DACH2: variants seen among roughly 807,000 people sequenced by gnomAD.
DACH2 encodes dachshund homolog 2.
DACH2 carries 17 observed loss-of-function variants against 35.8 expected under a neutral mutation model. The observed-to-expected ratio is 0.48, with a 90% confidence interval of 0.33 to 0.71. The LOEUF (loss-of-function observed/expected upper bound fraction) is 0.71, where lower values mean the gene tolerates loss of function less well. DACH2 is among the 30% of genes least tolerant of loss of function. The pLI is 0.02. For synonymous variants in DACH2, 195 were observed against 177.3 expected (o/e 1.10, Z -0.79); for missense variants, 469 against 472.7 (o/e 0.99, Z 0.07).
At chrX:86,820,699 C>T (rs1440864696) in intron 11 of DACH2, among the ~76,000 whole-genome samples, 1 of 110,322 alleles carries the variant, frequency 9.1e-6, no homozygotes, top group Non-Finnish European at 1.9e-5. Flanking sequence ...ATATGCATAC[C>T]TTATGGCGTA....
chrX:86,193,675 A>G (rs973689026), intron 1 of DACH2, among the ~76,000 whole-genome samples: 3 of 110,936 alleles, frequency 2.7e-5, no homozygotes, highest in African/African-American at 9.8e-5. Flanking sequence ...CTTCAGTCCA[A>G]TTCTTGACTT....
At chrX:86,367,662 C>T (rs182030729) in intron 1 of DACH2, among the ~76,000 whole-genome samples, 2 of 111,325 alleles carry the variant, frequency 1.8e-5, no homozygotes, top group African/African-American at 3.3e-5. Context: ...CATGGTGACA[C>T]GGTTAATGGT....
At chrX:86,577,339 C>A (rs2148336984) in intron 3 of DACH2, among the ~76,000 whole-genome samples, 1 of 110,525 alleles carries the variant, frequency 9.0e-6, no homozygotes, top group East Asian at 2.9e-4. Flanking sequence ...AATACTATAG[C>A]CTTCTTTATA....
intron 3 of DACH2, among the ~76,000 whole-genome samples, chrX:86,517,946 G>A (rs1268815196): frequency 2.7e-5 from 3 of 111,491 alleles, no homozygotes; most frequent in Non-Finnish European, 3.8e-5. Context: ...ATTGCTTTTG[G>A]TGTCTATGTC....
intron 1 of DACH2, among the ~76,000 whole-genome samples, chrX:86,209,904 G>A (rs1172668655): frequency 9.0e-6 from 1 of 111,692 alleles, no homozygotes; most frequent in Non-Finnish European, 1.9e-5. Flanking sequence ...CTGAATCAAT[G>A]TTTAGAAGAT....
intron 1 of DACH2, among the ~76,000 whole-genome samples, chrX:86,335,732 C>T (rs1232322879): frequency 9.0e-6 from 1 of 111,579 alleles, no homozygotes; most frequent in African/African-American, 3.3e-5. Flanking sequence ...TATTTGAATA[C>T]TTTTTATTGC....
intron 1 of DACH2, among the ~76,000 whole-genome samples, chrX:86,349,624 CG>C (rs765807486): frequency 8.9e-6 from 1 of 112,312 alleles, no homozygotes; most frequent in East Asian, 2.8e-4. Context: ...AACGTATTAA[CG>C]TTGGTTCCTG....
chrX:86,679,432 G>T (rs2040854491), intron 4 of DACH2, among the ~76,000 whole-genome samples: 1 of 111,753 alleles, frequency 8.9e-6, no homozygotes, highest in Non-Finnish European at 1.9e-5. Context: ...TATTGCTATT[G>T]TTGACAATGC....
chrX:86,427,648 G>A (rs1045782881), intron 2 of DACH2, among the ~76,000 whole-genome samples: 3 of 110,950 alleles, frequency 2.7e-5, no homozygotes, highest in Non-Finnish European at 3.8e-5. Flanking sequence ...AATTTGTTTA[G>A]AAAAAGAATT....
chrX:86,165,142 C>T (rs1197386880), intron 1 of DACH2, among the ~76,000 whole-genome samples: 2 of 110,149 alleles, frequency 1.8e-5, no homozygotes, highest in African/African-American at 3.3e-5. Context: ...ATTGTAGAGA[C>T]CTTTCACCTC....
chrX:86,367,123 G>C (rs2035817012), intron 1 of DACH2, among the ~76,000 whole-genome samples: 1 of 110,866 alleles, frequency 9.0e-6, no homozygotes, highest in African/African-American at 3.3e-5. Context: ...GCAAATTTAA[G>C]ATTTAATTGA....
chrX:86,480,515 A>T (rs1306186764), intron 2 of DACH2, among the ~76,000 whole-genome samples: 1 of 111,847 alleles, frequency 8.9e-6, no homozygotes, highest in Admixed American at 9.5e-5. Context: ...CTCTACAATC[A>T]GTAAGTGGTG....
intron 2 of DACH2, among the ~76,000 whole-genome samples, chrX:86,415,783 A>G (rs1484723502): frequency 8.9e-6 from 1 of 112,361 alleles, no homozygotes; most frequent in Non-Finnish European, 1.9e-5. Context: ...ATTTCCAGTA[A>G]GAGGGAAATT....
intron 1 of DACH2, among the ~76,000 whole-genome samples, chrX:86,224,413 A>G (rs1169469439): frequency 9.0e-6 from 1 of 111,646 alleles, no homozygotes; most frequent in Non-Finnish European, 1.9e-5. Context: ...ATGCATGTGC[A>G]TATTGTCCCT....
chrX:86,555,841 G>A (rs753254583), intron 3 of DACH2, among the ~76,000 whole-genome samples: 1 of 111,488 alleles, frequency 9.0e-6, no homozygotes, highest in Non-Finnish European at 1.9e-5. Context: ...GGATTTTAAT[G>A]CAGTACCAGG....
intron 3 of DACH2, among the ~76,000 whole-genome samples, chrX:86,614,602 T>C (rs1364331536): frequency 1.8e-5 from 2 of 111,249 alleles, no homozygotes; most frequent in East Asian, 2.8e-4. Flanking sequence ...TCACAACAGA[T>C]TTTTTAGTTT....
intron 1 of DACH2, among the ~76,000 whole-genome samples, chrX:86,330,856 T>C (rs747656462): frequency 9.0e-6 from 1 of 111,619 alleles, no homozygotes; most frequent in Admixed American, 9.6e-5. Context: ...AGGTGGATAA[T>C]TTAGACTGTT....
intron 3 of DACH2, among the ~76,000 whole-genome samples, chrX:86,546,555 C>G (rs1390297086): frequency 2.1e-5 from 2 of 96,538 alleles, no homozygotes; most frequent in African/African-American, 7.9e-5. Flanking sequence ...CCCACTGTCA[C>G]CCAGGCCGTA....
chrX:86,575,602 T>C lies in DACH2; in HGVS notation c.640+61211T>C, dbSNP rs113219781. Among the ~76,000 whole-genome samples the C allele has an allele frequency of 7.9e-3, 881 of 111,800 alleles. 10 individuals are homozygous for C. Among genetic ancestry groups the C allele is most frequent in the African/African-American group, 0.028 (849 of 30,835 alleles). On this transcript the variant is annotated intron_variant, in intron 3 of 11. Coordinates refer to ENST00000373125, the MANE Select transcript of DACH2 (RefSeq NM_053281.3). ...AGAATTCTATAAAACTTGAATTAAT[T>C]TTATGCCTAAAAGAGGGTATAGTTA...
Sources: gnomAD v4.1 joint callset for allele counts (sites outside exome capture counted in the v4.1 genomes callset) on GRCh38, gnomAD v4.1.1 for gene constraint, MANE v1.5 for transcripts, NCBI Gene and HGNC (gene_info 2026-07-23, HGNC 2026-07-21) for gene names.